The following ADD1 variants were observed in gnomAD, a reference collection of about 807,000 sequenced individuals.
ADD1 encodes alpha-adducin.
ADD1 carries 24 observed loss-of-function variants against 80.5 expected under a neutral mutation model. The ratio of observed to expected loss-of-function variants is 0.30; its 90% CI spans 0.22 to 0.42. The LOEUF (loss-of-function observed/expected upper bound fraction) is 0.42, where lower values mean the gene tolerates loss of function less well. ADD1 is among the 10% of genes least tolerant of loss of function. ADD1 has a pLI of 1.00. For synonymous variants in ADD1, 373 were observed against 393.8 expected, an observed-to-expected ratio of 0.95 and a Z score of 0.63; for missense variants, 948 against 1,019.0, an observed-to-expected ratio of 0.93 and a Z score of 0.95.
intron 10 of ADD1, chr4:2,907,382 T>A (rs1464544949): frequency 1.7e-5 from 3 of 176,196 alleles, no homozygotes; most frequent in African/African-American, 7.1e-5. Flanking sequence ...TTGGCTTTGG[T>A]GTTGGATGAT....
rs116419105 is a variant in ADD1 at position 2,904,374 on chromosome 4, A to T, written c.1162-390A>T. On this transcript the variant is annotated intron_variant, in intron 9 of 15. Coordinates refer to ENST00000683351, the MANE Select transcript of ADD1 (RefSeq NM_001354761.2). ...TTTTGCATCTTCTGCACTTTTAATGAATGGTATTACATGGTGTATGTTCTT... is the reference window on the plus strand; with the variant it reads ...TTTTGCATCTTCTGCACTTTTAATGTATGGTATTACATGGTGTATGTTCTT... 9.1e-3 allele frequency among the ~76,000 whole-genome samples: 1,390 copies of T among 152,282 alleles called. 22 individuals are homozygous for T. Among genetic ancestry groups the T allele is most frequent in the African/African-American group, 0.032 (1,316 of 41,548 alleles).
intron 13 of ADD1, 31 bp downstream of exon 13, chr4:2,909,462 T>C (rs1560232560): frequency 2.0e-6 from 3 of 1,512,136 alleles, no homozygotes; most frequent in Non-Finnish European, 2.7e-6. Context: ...ACTACCTGTC[T>C]ATGCGCCTTG....
chr4:2,896,605 C>T (rs1427980452), intron 6 of ADD1, among the ~76,000 whole-genome samples: 5 of 151,820 alleles, frequency 3.3e-5, no homozygotes, highest in Non-Finnish European at 4.4e-5. Flanking sequence ...ATGTCAACAT[C>T]GTGGTTTTAT....
chr4:2,898,730 T>C, intron 8 of ADD1, 199 bp downstream of exon 8: 1 of 588,156 alleles, frequency 1.7e-6, no homozygotes, highest in South Asian at 2.0e-5. Flanking sequence ...ACTGGGCTTT[T>C]CATTTCTAAT....
intron 2 of ADD1, among the ~76,000 whole-genome samples, chr4:2,880,908 T>C (rs1239518022): frequency 6.6e-6 from 1 of 152,048 alleles, no homozygotes; most frequent in Non-Finnish European, 1.5e-5. Flanking sequence ...TTTTGCCTGA[T>C]TTAGTATTAT....
chr4:2,915,818 A>G (rs1738919118), intron 14 of ADD1, among the ~76,000 whole-genome samples: 1 of 152,156 alleles, frequency 6.6e-6, no homozygotes, highest in Non-Finnish European at 1.5e-5. Context: ...AAAAAAAAAG[A>G]AATTGCAAAG....
chr4:2,896,137 T>C (rs532450037), intron 6 of ADD1, among the ~76,000 whole-genome samples: 1 of 152,266 alleles, frequency 6.6e-6, no homozygotes, highest in East Asian at 1.9e-4. Context: ...TCCGCCCGCT[T>C]CGGCCTCCCA....
Position 2,876,109 on chromosome 4 carries a change from C to T in ADD1, c.194C>T (p.Pro65Leu). ...KKRVSMILQS[P>L]AFCEELESMI... ...AGGGTGTCCATGATTCTGCAAAGCC[C>T]TGTGAGAAGAGAAGTCTTTTCTCTG... The change falls in exon 2 of 16, where the codon CCT becomes CTT. Residue 65 changes from proline (P) to leucine (L), a missense_variant and splice_region_variant. Coordinates refer to ENST00000683351, the MANE Select transcript of ADD1 (RefSeq NM_001354761.2). 4.3e-6 allele frequency: 7 copies of T among 1,610,728 alleles called. No individual in the cohort carries two copies. Among genetic ancestry groups the T allele is most frequent in the Non-Finnish European group, 5.9e-6 (7 of 1,178,804 alleles).
At chr4:2,877,207 A>G (rs1017705484) in intron 2 of ADD1, among the ~76,000 whole-genome samples, 9 of 152,162 alleles carry the variant, frequency 5.9e-5, no homozygotes, top group African/African-American at 1.9e-4. Context: ...TTGTGTGTGC[A>G]TCATCCTTTT....
rs531107804 is a variant in ADD1 at position 2,905,587 on chromosome 4, C to G, written c.1506+479C>G. 13 of 172,952 alleles carry G rather than the reference C, an allele frequency of 7.5e-5. 1 individual carries two copies. The South Asian group carries it at 1.7e-3, about 22-fold the overall frequency. 10.7% of individuals were successfully genotyped at this position (172,952 alleles called of 1,614,324 possible). The stretch of plus-strand genomic sequence containing the variant: ...CTCCCTGGCGTGTTCTCTGCTGACT[C>G]TTGTCCCCTGCCCTTAGTGTTATTC... On this transcript the variant is annotated intron_variant, in intron 10 of 15. Coordinates refer to ENST00000683351, the MANE Select transcript of ADD1 (RefSeq NM_001354761.2).
intron 1 of ADD1, among the ~76,000 whole-genome samples, chr4:2,860,647 C>A (rs951150216): frequency 2.6e-5 from 4 of 152,156 alleles, no homozygotes; most frequent in Non-Finnish European, 2.9e-5. Context: ...TGAGACAGAC[C>A]AGTTTCTTGT....
chr4:2,875,825 C>G, intron 1 of ADD1, 71 bp from the exon 2 acceptor site: 2 of 1,245,588 alleles, frequency 1.6e-6, no homozygotes, highest in Non-Finnish European at 2.2e-6. Context: ...TTACCAAGCT[C>G]ATGTGCTCAT....
chr4:2,880,179 T>C (rs2108917610), intron 2 of ADD1, among the ~76,000 whole-genome samples: 1 of 152,284 alleles, frequency 6.6e-6, no homozygotes, highest in South Asian at 2.1e-4. Context: ...CTACAAAATA[T>C]GATCTGCAAC....
chr4:2,892,360 T>A (rs1734430846), intron 4 of ADD1, among the ~76,000 whole-genome samples: 1 of 152,206 alleles, frequency 6.6e-6, no homozygotes, highest in African/African-American at 2.4e-5. Context: ...AAAACTAGAA[T>A]GAATATTTTT....
intron 1 of ADD1, among the ~76,000 whole-genome samples, chr4:2,850,923 C>T (rs1307759867): frequency 6.6e-6 from 1 of 152,132 alleles, no homozygotes; most frequent in African/African-American, 2.4e-5. Context: ...GACTGGGGCT[C>T]CAGCTGGGGA....
chr4:2,896,587 T>C (rs897302313), intron 6 of ADD1, among the ~76,000 whole-genome samples: 4 of 152,210 alleles, frequency 2.6e-5, no homozygotes, highest in African/African-American at 9.6e-5. Context: ...TCTGAACATA[T>C]GGTTCTTATG....
At chr4:2,849,745 C>A (rs765828964) in intron 1 of ADD1, among the ~76,000 whole-genome samples, 4 of 152,168 alleles carry the variant, frequency 2.6e-5, no homozygotes, top group Non-Finnish European at 4.4e-5. Context: ...TGCACACTGT[C>A]GCTTGAAATT....
chr4:2,847,760 G>A (rs1453550107), intron 1 of ADD1, among the ~76,000 whole-genome samples: 1 of 152,156 alleles, frequency 6.6e-6, no homozygotes, highest in Non-Finnish European at 1.5e-5. Context: ...CATTGGTTCA[G>A]TCCAGAACGG....
chr4:2,914,391 G>C (rs988734036), intron 13 of ADD1, among the ~76,000 whole-genome samples: 1 of 152,242 alleles, frequency 6.6e-6, no homozygotes, highest in Non-Finnish European at 1.5e-5. Context: ...CCAGGAACTA[G>C]TTACAAACTA....
Sources: gnomAD v4.1 joint callset for allele counts (sites outside exome capture counted in the v4.1 genomes callset) on GRCh38, gnomAD v4.1.1 for gene constraint, MANE v1.5 for transcripts, NCBI Gene and HGNC (gene_info 2026-07-23, HGNC 2026-07-21) for gene names.